MYO9B: variants seen among roughly 807,000 people sequenced by gnomAD.
The protein encoded by MYO9B is myosin IXB.
In MYO9B, 71 loss-of-function variants were observed where a neutral mutation model predicts 229.5. That is an observed-to-expected ratio of 0.31 (90% CI 0.26 to 0.38). The LOEUF (loss-of-function observed/expected upper bound fraction) is 0.38, where lower values mean the gene tolerates loss of function less well. MYO9B is among the 10% of genes least tolerant of loss of function. MYO9B has a pLI of 1.00. For missense variants in MYO9B, 2,255 were observed against 2,920.5 expected (o/e 0.77, Z 5.25); for synonymous variants, 1,185 against 1,235.8 (o/e 0.96, Z 0.86).
intron 8 of MYO9B, among the ~76,000 whole-genome samples, chr19:17,161,437 C>T (rs1014606824): frequency 2.0e-5 from 3 of 151,978 alleles, no homozygotes; most frequent in African/African-American, 4.8e-5. Context: ...CCAACACTTA[C>T]GGAGGCCAGG....
chr19:17,101,818 G>A lies in MYO9B; in HGVS notation c.101G>A (p.Cys34Tyr). Residue 34 changes from cysteine (C) to tyrosine (Y), a missense_variant, in exon 2 of 40, where the codon TGC becomes TAC. By Grantham distance (194) the Cys-to-Tyr change is radical (BLOSUM62 -2). Coordinates refer to ENST00000682292, the MANE Select transcript of MYO9B (RefSeq NM_004145.4). The surrounding 1 kb of genome is among the most constrained non-coding windows in gnomAD (Gnocchi z 4.7). ...TCCACCACCGAGAGCCAGGCCTCGTGCCGCGTGACTGCCACCAAGGACAGC... is the reference window on the plus strand; with the variant it reads ...TCCACCACCGAGAGCCAGGCCTCGTACCGCGTGACTGCCACCAAGGACAGC... The part of the protein sequence containing the change: ...QLSTTESQAS[C>Y]RVTATKDSTT... The A allele has an allele frequency of 1.2e-6, 2 of 1,608,540 alleles. No individual in the cohort carries two copies. Among genetic ancestry groups the A allele is most frequent in the Non-Finnish European group, 8.5e-7 (1 of 1,179,138 alleles).
At position 17,184,951 on chromosome 19, in the gene MYO9B, G is replaced by A; in HGVS notation, c.2460G>A (p.Lys820=). 6.2e-7 allele frequency: 1 copy of A among 1,613,964 alleles called. No homozygotes were observed. Among genetic ancestry groups the A allele is most frequent in the Non-Finnish European group, 8.5e-7 (1 of 1,179,876 alleles). The stretch of plus-strand genomic sequence containing the variant: ...CCAAGTCCCTACTGCACCTGCACAA[G>A]AAGAAAAAGCCACCAAGCATCAGCG... ...RTTKSLLHLH[K]KKKPPSISAQ... is the part of the protein sequence containing the mutation. Residue 820 remains lysine, a synonymous_variant, in exon 17 of 40, where the codon AAG becomes AAA. Coordinates refer to ENST00000682292, the MANE Select transcript of MYO9B (RefSeq NM_004145.4).
In MYO9B at chr19:17,162,460, A is replaced by G; in HGVS notation, c.1530A>G (p.Ala510=). Residue 510 remains alanine, a synonymous_variant, in exon 9 of 40, where the codon GCA becomes GCG. Transcript: ENST00000682292. ...ALLNKKDVEE[A]VSCLSIGVLD... ...TCAACAAGAAGGACGTGGAAGAGGC[A>G]GTCTCGGTGAGTGCCCCCATTTGCT... 1 of 1,559,634 alleles carries G rather than the reference A, an allele frequency of 6.4e-7. No individual in the cohort carries two copies. Among genetic ancestry groups the G allele is most frequent in the Non-Finnish European group, 8.7e-7 (1 of 1,153,334 alleles).
intron 2 of MYO9B, among the ~76,000 whole-genome samples, chr19:17,107,461 A>G (rs899561807): frequency 3.3e-5 from 5 of 152,128 alleles, no homozygotes; most frequent in African/African-American, 1.2e-4. Context: ...TGCTGCCTCC[A>G]CAGCGCCATC....
At chr19:17,182,852 A>G (rs1257749959) in intron 15 of MYO9B, among the ~76,000 whole-genome samples, 1 of 152,120 alleles carries the variant, frequency 6.6e-6, no homozygotes, top group African/African-American at 2.4e-5. Flanking sequence ...CTTGGTCTGC[A>G]AGATTCCATA....
chr19:17,125,544 C>T (rs1162452840), intron 2 of MYO9B, among the ~76,000 whole-genome samples: 1 of 152,184 alleles, frequency 6.6e-6, no homozygotes, highest in Non-Finnish European at 1.5e-5. Context: ...TCCCCTACCC[C>T]ACCCCTGTAG....
intron 2 of MYO9B, among the ~76,000 whole-genome samples, chr19:17,111,103 C>T (rs1224464875): frequency 6.6e-6 from 1 of 152,206 alleles, no homozygotes; most frequent in Non-Finnish European, 1.5e-5. Context: ...GCCTGGGCCA[C>T]GTCCTTTCCC....
At chr19:17,095,198 G>A (rs561154596) in intron 1 of MYO9B, among the ~76,000 whole-genome samples, 65 of 152,200 alleles carry the variant, frequency 4.3e-4, no homozygotes, top group African/African-American at 1.5e-3. Flanking sequence ...AGCCAGGGTC[G>A]CAGCACTGCA....
Position 17,195,098 on chromosome 19 carries a change from C to A in MYO9B, c.3671C>A (p.Ala1224Asp), listed in dbSNP as rs776737737. The change falls in exon 22 of 40, where the codon GCC (alanine) becomes GAC (aspartate). Residue 1224 changes from alanine to aspartate, a missense_variant. This residue lies in a region of MYO9B where 679 missense variants were observed against 770.2 expected (regional missense o/e 0.88). Transcript: ENST00000682292. This position sits in a 1 kb window ranked among gnomAD's most constrained non-coding sequence, Gnocchi z 4.5. ...AAGCAGCCCACAGAGCAACCCCAGG[C>A]CATGGCAGTTGGCAAGGTCTCTGAA... ...SQKQPTEQPQ[A>D]MAVGKVSEET... is the part of the protein sequence containing the mutation. 1 of 1,612,798 alleles carries A rather than the reference C, an allele frequency of 6.2e-7. No individual in the cohort carries two copies. Among genetic ancestry groups the A allele is most frequent in the Non-Finnish European group, 8.5e-7 (1 of 1,179,808 alleles).
At chr19:17,079,775 C>T (rs753088783) in intron 1 of MYO9B, among the ~76,000 whole-genome samples, 5 of 152,284 alleles carry the variant, frequency 3.3e-5, no homozygotes, top group South Asian at 2.1e-4. Context: ...TTTGTGTGCC[C>T]GGCATCCCCA....
chr19:17,172,541 A>C lies in MYO9B; in HGVS notation c.1935+64A>C. ...GAAGCCACAGTCAGCCCAGAAGCCC[A>C]TGTGGGAGGATCCTCCTGTGGGCGA... On this transcript the variant is annotated intron_variant, in intron 12 of 39. Coordinates refer to ENST00000682292, the MANE Select transcript of MYO9B (RefSeq NM_004145.4). The surrounding 1 kb of genome is among the most constrained non-coding windows in gnomAD (Gnocchi z 8.2). 6.3e-7 allele frequency: 1 copy of C among 1,588,254 alleles called. No individual in the cohort carries two copies. The highest frequency in any genetic ancestry group is 1.1e-5 in the South Asian group (1 of 87,890).
chr19:17,181,126 T>G, intron 15 of MYO9B, 86 bp downstream of exon 15: 1 of 909,346 alleles, frequency 1.1e-6, no homozygotes, highest in South Asian at 1.6e-5. Flanking sequence ...GCAGTCTTCC[T>G]AATTTGCATC....
At chr19:17,165,119 G>A (rs546314355) in intron 10 of MYO9B, among the ~76,000 whole-genome samples, 18 of 152,152 alleles carry the variant, frequency 1.2e-4, no homozygotes, top group African/African-American at 2.7e-4. Flanking sequence ...ATCCTCCCAC[G>A]TTGGCCTCTC....
intron 22 of MYO9B, among the ~76,000 whole-genome samples, chr19:17,196,568 A>C (rs2073045439): frequency 6.6e-6 from 1 of 152,066 alleles, no homozygotes; most frequent in Non-Finnish European, 1.5e-5. Flanking sequence ...TTGTAATCCC[A>C]GCTACTTGGG....
intron 2 of MYO9B, among the ~76,000 whole-genome samples, chr19:17,125,512 G>A (rs531701387): frequency 1.3e-5 from 2 of 152,202 alleles, no homozygotes; most frequent in Admixed American, 6.5e-5. Context: ...TCACACTTAG[G>A]TTTTTGTTGT....
chr19:17,161,265 A>G (rs2072598924), intron 8 of MYO9B, among the ~76,000 whole-genome samples: 1 of 150,996 alleles, frequency 6.6e-6, no homozygotes, highest in Non-Finnish European at 1.5e-5. Flanking sequence ...TGCTCTGAGG[A>G]GCGTATGGAA....
chr19:17,200,513 G>T, intron 25 of MYO9B, 87 bp downstream of exon 25: 1 of 1,512,520 alleles, frequency 6.6e-7, no homozygotes. Flanking sequence ...GCCTTGAGTT[G>T]GCTGTGGGCC....
chr19:17,209,781 C>A, intron 36 of MYO9B, 72 bp downstream of exon 36: 1 of 1,256,980 alleles, frequency 8.0e-7, no homozygotes, highest in Non-Finnish European at 1.1e-6. Context: ...GGGCCTTGGG[C>A]GTGGCTTTGT....
intron 2 of MYO9B, among the ~76,000 whole-genome samples, chr19:17,131,963 T>C (rs2072201966): frequency 6.6e-6 from 1 of 152,022 alleles, no homozygotes; most frequent in African/African-American, 2.4e-5. Flanking sequence ...CACTGCAGCC[T>C]CAACCTCCTG....
Sources: gnomAD v4.1 joint callset for allele counts (sites outside exome capture counted in the v4.1 genomes callset) on GRCh38, gnomAD v4.1.1 for gene constraint, gnomAD v4.1.1 regional missense constraint, Gnocchi (gnomAD v3.1) non-coding constraint, MANE v1.5 for transcripts, NCBI Gene and HGNC (gene_info 2026-07-23, HGNC 2026-07-21) for gene names.